The following AKAP12 variants were observed in gnomAD, a reference collection of about 807,000 sequenced individuals.
AKAP12 encodes the protein A-kinase anchor protein 12.
AKAP12 carries 32 observed loss-of-function variants against 79.9 expected under a neutral mutation model. That is an observed-to-expected ratio of 0.40 (90% CI 0.30 to 0.54). The LOEUF (loss-of-function observed/expected upper bound fraction) is 0.54, where lower values mean the gene tolerates loss of function less well. AKAP12 is among the 20% of genes least tolerant of loss of function. The probability of loss-of-function intolerance (pLI) is 0.48; values close to 1 mark genes in which losing one functional copy is unlikely to be tolerated. For synonymous variants in AKAP12, 808 were observed against 857.0 expected (o/e 0.94, Z 1.00); for missense variants, 2,074 against 2,177.0 (o/e 0.95, Z 0.94).
intron 3 of AKAP12, among the ~76,000 whole-genome samples, chr6:151,322,830 C>T (rs531942737): frequency 4.6e-5 from 7 of 152,322 alleles, no homozygotes; most frequent in African/African-American, 1.4e-4. Context: ...GGGTGTTTTG[C>T]GTAATAAATA....
At chr6:151,300,361 T>A (rs532955260) in intron 2 of AKAP12, among the ~76,000 whole-genome samples, 1 of 152,290 alleles carries the variant, frequency 6.6e-6, no homozygotes, top group Admixed American at 6.5e-5. Flanking sequence ...GTCTACTGTG[T>A]GAACTGCAGG....
chr6:151,330,983 A>G (rs966248099), intron 3 of AKAP12, among the ~76,000 whole-genome samples: 1 of 152,180 alleles, frequency 6.6e-6, no homozygotes, highest in African/African-American at 2.4e-5. Flanking sequence ...CGAAAGGAAA[A>G]TGTGTATTTG....
chr6:151,260,314 T>C (rs1365924091), intron 2 of AKAP12, among the ~76,000 whole-genome samples: 2 of 152,178 alleles, frequency 1.3e-5, no homozygotes, highest in Admixed American at 6.6e-5. Flanking sequence ...ATTCGATCGC[T>C]CTTGAGTTCA....
chr6:151,310,387 A>G (rs745339428), intron 3 of AKAP12, among the ~76,000 whole-genome samples: 2 of 151,952 alleles, frequency 1.3e-5, no homozygotes, highest in African/African-American at 2.4e-5. Flanking sequence ...AAAACAAAAC[A>G]GAAACCCAAA....
At chr6:151,327,891 T>A (rs1777568120) in intron 3 of AKAP12, among the ~76,000 whole-genome samples, 1 of 152,232 alleles carries the variant, frequency 6.6e-6, no homozygotes, top group Non-Finnish European at 1.5e-5. Flanking sequence ...CAAGAAATCT[T>A]ACGTAGTGGA....
rs569879110 is a variant in AKAP12, at chr6:151,307,911, C to T, written c.319+2008C>T. Among the ~76,000 whole-genome samples the T allele has an allele frequency of 3.9e-5, 6 of 152,304 alleles. No homozygotes were observed. In the East Asian group the frequency reaches 9.7e-4, roughly 25 times the overall value. The stretch of plus-strand genomic sequence containing the variant: ...TCTCAGTCTCACTCTGTCGCCCAGG[C>T]TGGAGTGCAGTGGCTTGAGCTCGGC... On this transcript the variant is annotated intron_variant, in intron 3 of 4. Transcript: ENST00000402676.
chr6:151,293,004 A>G (rs113461190), intron 2 of AKAP12, among the ~76,000 whole-genome samples: 87 of 152,352 alleles, frequency 5.7e-4, no homozygotes, highest in African/African-American at 1.8e-3. Flanking sequence ...AAGTAATATT[A>G]GCCTCTAAAA....
Position 151,351,036 on chromosome 6 carries a change from A to G in AKAP12, c.2645A>G (p.Lys882Arg). Residue 882 changes from lysine to arginine, a missense_variant, in exon 4 of 5, where the codon AAG becomes AGG. Around this residue, in one of 3 missense-constraint regions of AKAP12, gnomAD observed 1,428 missense variants for 1,451.0 expected, o/e 0.98. Transcript: ENST00000402676. The surrounding 1 kb of genome is among the most constrained non-coding windows in gnomAD (Gnocchi z 4.4). The part of the protein sequence containing the change: ...PEQKAATEVS[K>R]ELSESQVHMM... ...CAGAAGGCAGCCACTGAGGTGTCCAAGGAGCTCAGCGAGAGTCAGGTTCAT... is the reference window on the plus strand; with the variant it reads ...CAGAAGGCAGCCACTGAGGTGTCCAGGGAGCTCAGCGAGAGTCAGGTTCAT... The G allele has an allele frequency of 6.2e-7, 1 of 1,614,124 alleles. No homozygotes were observed. Among genetic ancestry groups the G allele is most frequent in the Non-Finnish European group, 8.5e-7 (1 of 1,180,010 alleles).
chr6:151,240,377 T>G lies in AKAP12; in HGVS notation c.-179-7T>G. The G allele has an allele frequency of 1.9e-6, 1 of 523,810 alleles. No homozygotes were observed. The highest frequency in any genetic ancestry group is 3.0e-6 in the Non-Finnish European group (1 of 333,192). The allele number at this position is 523,810 out of a possible 1,614,324, so 32.4% of individuals were successfully genotyped here. On this transcript the variant is annotated splice_region_variant and splice_polypyrimidine_tract_variant and intron_variant, in intron 1 of 4. Transcript: ENST00000402676. ...TGGCCTTTTTTTTTTTTTCCTTTTCTTTTAAGGAGTTTGCCGCGAGCGCGT... is the reference window on the plus strand; with the variant it reads ...TGGCCTTTTTTTTTTTTTCCTTTTCGTTTAAGGAGTTTGCCGCGAGCGCGT...
chr6:151,280,049 T>C (rs973318429), intron 2 of AKAP12, among the ~76,000 whole-genome samples: 1 of 151,676 alleles, frequency 6.6e-6, no homozygotes, highest in Non-Finnish European at 1.5e-5. Flanking sequence ...TTTTTTTTTT[T>C]TAAATATGCA....
At position 151,348,803 on chromosome 6, in the gene AKAP12, G is replaced by A; in HGVS notation, c.412G>A (p.Gly138Arg). The change falls in exon 4 of 5, where the codon GGG becomes AGG. Residue 138 changes from glycine to arginine, a missense_variant. Coordinates refer to ENST00000402676, the MANE Select transcript of AKAP12 (RefSeq NM_005100.4). Reference protein sequence around the residue: ...SAVVHDITDDGQEETPEIIEQ... With the variant: ...SAVVHDITDDRQEETPEIIEQ... The stretch of plus-strand genomic sequence containing the variant: ...GGTTGTTCACGACATCACAGATGAT[G>A]GGCAGGAGGAGACACCCGAAATAAT... The A allele has an allele frequency of 1.9e-6, 3 of 1,611,194 alleles. No individual in the cohort carries two copies. The highest frequency in any genetic ancestry group is 2.5e-6 in the Non-Finnish European group (3 of 1,178,846).
At chr6:151,252,073 C>T (rs1391922220) in intron 2 of AKAP12, among the ~76,000 whole-genome samples, 1 of 152,146 alleles carries the variant, frequency 6.6e-6, no homozygotes. Flanking sequence ...TGACAGAGGG[C>T]TTCCGTGAAC....
chr6:151,343,349 C>G (rs1223171849), intron 3 of AKAP12, among the ~76,000 whole-genome samples: 1 of 152,094 alleles, frequency 6.6e-6, no homozygotes, highest in Non-Finnish European at 1.5e-5. Flanking sequence ...TGTTTGTATT[C>G]TGTACTAGTG....
intron 2 of AKAP12, among the ~76,000 whole-genome samples, chr6:151,305,407 T>C (rs1173317896): frequency 1.3e-5 from 2 of 152,226 alleles, no homozygotes; most frequent in Non-Finnish European, 2.9e-5. Context: ...CCTTCCATAG[T>C]AATTTGTAAG....
chr6:151,325,100 G>A, intron 3 of AKAP12: 1 of 985,462 alleles, frequency 1.0e-6, no homozygotes, highest in East Asian at 1.1e-4. Flanking sequence ...TCACTTCTGA[G>A]AGCCCTTCTC....
chr6:151,316,534 CTT>C (rs1339530814), intron 3 of AKAP12, among the ~76,000 whole-genome samples: 3 of 152,158 alleles, frequency 2.0e-5, no homozygotes, highest in Admixed American at 6.5e-5. Context: ...AGGCCTCTCT[CTT>C]TTGCTCGCAG....
intron 2 of AKAP12, among the ~76,000 whole-genome samples, chr6:151,304,639 G>A (rs760967731): frequency 6.7e-5 from 10 of 149,970 alleles, no homozygotes; most frequent in African/African-American, 2.2e-4. Context: ...ATCTCTGCTC[G>A]CTGTAACCTC....
intron 2 of AKAP12, among the ~76,000 whole-genome samples, chr6:151,262,235 A>G (rs566304695): frequency 6.6e-6 from 1 of 152,314 alleles, no homozygotes; most frequent in Non-Finnish European, 1.5e-5. Flanking sequence ...GATAACAGGC[A>G]TGAGCCACTG....
chr6:151,331,741 C>T (rs1002993058), intron 3 of AKAP12, among the ~76,000 whole-genome samples: 36 of 151,958 alleles, frequency 2.4e-4, no homozygotes, highest in African/African-American at 7.0e-4. Context: ...AAAAATTAGC[C>T]GGGCGTGGTG....
Sources: gnomAD v4.1 joint callset for allele counts (sites outside exome capture counted in the v4.1 genomes callset) on GRCh38, gnomAD v4.1.1 for gene constraint, gnomAD v4.1.1 regional missense constraint, Gnocchi (gnomAD v3.1) non-coding constraint, MANE v1.5 for transcripts, NCBI Gene and HGNC (gene_info 2026-07-23, HGNC 2026-07-21) for gene names.